Variants in FBXL7 observed in about 807,000 individuals in gnomAD.
FBXL7 encodes F-box and leucine rich repeat protein 7, also known as F-box/LRR-repeat protein 7.
A neutral mutation model predicts 38.3 loss-of-function variants in FBXL7; 12 were observed. The observed-to-expected ratio is 0.31, with a 90% CI of 0.20 to 0.51. The LOEUF is 0.51. FBXL7 is among the 20% of genes least tolerant of loss of function. The pLI is 0.98. For missense variants in FBXL7, 567 were observed against 676.4 expected (o/e 0.84, Z 1.79); for synonymous variants, 297 against 300.9 (o/e 0.99, Z 0.13).
chr5:15,920,689 T>A (rs1188479517), intron 2 of FBXL7, among the ~76,000 whole-genome samples: 8 of 152,014 alleles, frequency 5.3e-5, no homozygotes, highest in Non-Finnish European at 1.2e-4. Context: ...CCCAGCTAAT[T>A]TTTGTATTTT....
intron 1 of FBXL7, among the ~76,000 whole-genome samples, chr5:15,611,214 C>T (rs1580404734): frequency 6.6e-6 from 1 of 152,074 alleles, no homozygotes; most frequent in Non-Finnish European, 1.5e-5. Context: ...GCGCAACACA[C>T]ACCTTCCCAT....
chr5:15,684,680 A>G (rs1441813389), intron 2 of FBXL7, among the ~76,000 whole-genome samples: 3 of 152,216 alleles, frequency 2.0e-5, no homozygotes, highest in Non-Finnish European at 4.4e-5. Context: ...TCCAAGAAAG[A>G]TATGTACAAT....
At chr5:15,592,471 G>A (rs1739509609) in intron 1 of FBXL7, among the ~76,000 whole-genome samples, 2 of 152,126 alleles carry the variant, frequency 1.3e-5, no homozygotes, top group African/African-American at 2.4e-5. Context: ...TATATATAAA[G>A]TGCCAACTAC....
At chr5:15,801,640 T>TGTGTGTGTGTGTGTGTGTGCGCGCGCGC (rs1737567781) in intron 2 of FBXL7, among the ~76,000 whole-genome samples, 3 of 146,346 alleles carry the variant, frequency 2.0e-5, no homozygotes, top group Non-Finnish European at 4.6e-5. Flanking sequence ...AGTCAGTGTG[T>TGTGTGTGTGTGTGTGTGTGCGCGCGCGC]GTGTGTGTGT....
At chr5:15,586,204 T>C (rs1247432570) in intron 1 of FBXL7, among the ~76,000 whole-genome samples, 2 of 152,022 alleles carry the variant, frequency 1.3e-5, no homozygotes, top group African/African-American at 2.4e-5. Context: ...TTAGCACTTC[T>C]GGGTGATGAC....
intron 1 of FBXL7, among the ~76,000 whole-genome samples, chr5:15,529,490 A>G (rs1737357376): frequency 6.6e-6 from 1 of 151,510 alleles, no homozygotes; most frequent in African/African-American, 2.4e-5. Context: ...GGTTCACGGC[A>G]TTCTCCTGCC....
chr5:15,615,938 C>A lies in FBXL7; in HGVS notation c.38-45C>A, dbSNP rs1353499129. ...ACCGAGTGGAAGGCATGGTCCAGGTCTGAAATTACAAATCTCAAAAGCTGC... is the reference window on the plus strand; with the variant it reads ...ACCGAGTGGAAGGCATGGTCCAGGTATGAAATTACAAATCTCAAAAGCTGC... On this transcript the variant is annotated intron_variant, in intron 1 of 3. Coordinates refer to ENST00000504595, the MANE Select transcript of FBXL7 (RefSeq NM_012304.5). 3.6e-6 allele frequency: 5 copies of A among 1,382,318 alleles called. No individual in the cohort carries two copies. The Admixed American group carries it at 6.9e-5, about 19-fold the overall frequency. The allele number at this position is 1,382,318 out of a possible 1,614,324, so 85.6% of individuals were successfully genotyped here.
chr5:15,636,825 A>C (rs1161775993), intron 2 of FBXL7, among the ~76,000 whole-genome samples: 2 of 152,164 alleles, frequency 1.3e-5, no homozygotes, highest in Non-Finnish European at 2.9e-5. Flanking sequence ...ATTTTTTCAG[A>C]AGTAACAGAT....
intron 2 of FBXL7, among the ~76,000 whole-genome samples, chr5:15,718,026 G>A (rs1744091563): frequency 6.6e-6 from 1 of 152,182 alleles, no homozygotes; most frequent in Non-Finnish European, 1.5e-5. Flanking sequence ...TTGATGGGAT[G>A]TGGGATAATA....
intron 2 of FBXL7, among the ~76,000 whole-genome samples, chr5:15,828,126 A>C (rs1738363183): frequency 6.6e-6 from 1 of 152,194 alleles, no homozygotes; most frequent in African/African-American, 2.4e-5. Context: ...GTTTCACATC[A>C]TACCTGAAAA....
At chr5:15,647,159 G>A (rs190925838) in intron 2 of FBXL7, among the ~76,000 whole-genome samples, 6 of 152,130 alleles carry the variant, frequency 3.9e-5, no homozygotes, top group African/African-American at 1.4e-4. Flanking sequence ...TGACAAGAAT[G>A]GTGTCAGTCA....
chr5:15,762,218 G>A (rs1736466121), intron 2 of FBXL7, among the ~76,000 whole-genome samples: 1 of 152,226 alleles, frequency 6.6e-6, no homozygotes, highest in Admixed American at 6.5e-5. Context: ...ACCATCCTCA[G>A]TTCCTTGTCA....
chr5:15,831,780 G>A (rs1471560931), intron 2 of FBXL7, among the ~76,000 whole-genome samples: 1 of 152,104 alleles, frequency 6.6e-6, no homozygotes, highest in Non-Finnish European at 1.5e-5. Flanking sequence ...GGCAGGATAT[G>A]AGAAGGGGAC....
At chr5:15,878,000 G>GCT (rs1344356176) in intron 2 of FBXL7, among the ~76,000 whole-genome samples, 3 of 152,140 alleles carry the variant, frequency 2.0e-5, no homozygotes, top group African/African-American at 7.2e-5. Context: ...GGGGCGAGGT[G>GCT]CTGGGTTTCA....
intron 2 of FBXL7, among the ~76,000 whole-genome samples, chr5:15,654,178 A>G (rs528135780): frequency 6.6e-6 from 1 of 152,242 alleles, no homozygotes; most frequent in East Asian, 1.9e-4. Flanking sequence ...GCTTGTTTTT[A>G]CTCTAGGGCA....
At chr5:15,631,667 C>CA (rs754975686) in intron 2 of FBXL7, among the ~76,000 whole-genome samples, 3,524 of 43,918 alleles carry the variant, frequency 0.08, 668 homozygotes, top group African/African-American at 0.13. Flanking sequence ...AGCGAGACTC[C>CA]AAAAAAAAAA....
chr5:15,723,271 T>A (rs1033779041), intron 2 of FBXL7, among the ~76,000 whole-genome samples: 6 of 152,210 alleles, frequency 3.9e-5, no homozygotes, highest in Admixed American at 1.3e-4. Flanking sequence ...GTCAGAGACG[T>A]TAGTAATTAC....
rs1324931908 is a variant in FBXL7 at position 15,936,790 on chromosome 5, C to T, written c.1080C>T (p.Cys360=). The change falls in exon 4 of 4, where the codon TGC becomes TGT. Residue 360 remains cysteine (C), a synonymous_variant. Transcript: ENST00000504595. This position sits in a 1 kb window ranked among gnomAD's most constrained non-coding sequence, Gnocchi z 6.0. ...TGCGGTACCTGAGCATCGCGCACTG[C>T]GGCCGGGTCACCGACGTGGGCATCC... ...SRLRYLSIAH[C]GRVTDVGIRY... is the part of the protein sequence containing the mutation. 1.9e-6 allele frequency: 3 copies of T among 1,611,954 alleles called. No homozygotes were observed. The highest frequency in any genetic ancestry group is 3.3e-5 in the Admixed American group (2 of 59,828).
chr5:15,614,775 C>G (rs1372777999), intron 1 of FBXL7, among the ~76,000 whole-genome samples: 1 of 152,142 alleles, frequency 6.6e-6, no homozygotes, highest in Non-Finnish European at 1.5e-5. Context: ...TCAGTGCTCA[C>G]TTGGTTGTTG....
Sources: gnomAD v4.1 joint callset for allele counts (sites outside exome capture counted in the v4.1 genomes callset) on GRCh38, gnomAD v4.1.1 for gene constraint, Gnocchi (gnomAD v3.1) non-coding constraint, MANE v1.5 for transcripts, NCBI Gene and HGNC (gene_info 2026-07-23, HGNC 2026-07-21) for gene names.